CLIC5: variants seen among roughly 807,000 people sequenced by gnomAD.
The protein encoded by CLIC5 is chloride intracellular channel protein 5.
CLIC5 carries 20 observed loss-of-function variants against 24.7 expected under a neutral mutation model. The observed-to-expected ratio is 0.81, with a 90% CI of 0.57 to 1.18. The LOEUF (loss-of-function observed/expected upper bound fraction) is 1.18. Among genes scored for constraint, CLIC5 ranks in the 50% most tolerant of loss-of-function variants. The pLI, the probability that CLIC5 is intolerant of heterozygous loss-of-function variation, is 0.00. For missense variants in CLIC5, 341 were observed against 326.1 expected (o/e 1.05, Z -0.35); for synonymous variants, 159 against 135.6 (o/e 1.17, Z -1.20).
intron 4 of CLIC5, among the ~76,000 whole-genome samples, chr6:45,930,914 G>A (rs1174351421): frequency 6.6e-6 from 1 of 152,204 alleles, no homozygotes; most frequent in African/African-American, 2.4e-5. Context: ...TGCTATTGTA[G>A]CCACGGACTG....
chr6:45,910,710 C>T (rs1212155788), intron 5 of CLIC5, among the ~76,000 whole-genome samples: 1 of 152,156 alleles, frequency 6.6e-6, no homozygotes, highest in African/African-American at 2.4e-5. Context: ...TTGCTTGTCT[C>T]CAAACCTACT....
chr6:45,967,584 G>T (rs1765058217), intron 1 of CLIC5, among the ~76,000 whole-genome samples: 1 of 152,176 alleles, frequency 6.6e-6, no homozygotes, highest in Admixed American at 6.5e-5. Context: ...CAATGCAGGT[G>T]TATTAGGCTG....
At chr6:45,979,999 C>T (rs1765516884) in intron 1 of CLIC5, among the ~76,000 whole-genome samples, 1 of 80,136 alleles carries the variant, frequency 1.2e-5, no homozygotes, top group Non-Finnish European at 2.2e-5. Flanking sequence ...AATGGCATTT[C>T]CTAGGTTTTC....
At chr6:46,052,571 T>G (rs1768133922) in intron 1 of CLIC5, among the ~76,000 whole-genome samples, 1 of 152,190 alleles carries the variant, frequency 6.6e-6, no homozygotes, top group Non-Finnish European at 1.5e-5. Flanking sequence ...CCCTGTTCTT[T>G]TCCAGGACCC....
At chr6:46,084,348 T>C (rs868524243), upstream of CLIC5, among the ~76,000 whole-genome samples, 6 of 152,218 alleles carry the variant, frequency 3.9e-5, no homozygotes, top group Admixed American at 3.9e-4. Flanking sequence ...TGCTCGTTAG[T>C]TGATGCAGTT....
At chr6:45,921,226 C>T (rs1162426985) in intron 4 of CLIC5, among the ~76,000 whole-genome samples, 1 of 152,102 alleles carries the variant, frequency 6.6e-6, no homozygotes, top group Admixed American at 6.5e-5. Flanking sequence ...GATTCTTAGA[C>T]CACATGAAGT....
chr6:45,937,159 T>A (rs1298449587), intron 4 of CLIC5, among the ~76,000 whole-genome samples: 3 of 152,060 alleles, frequency 2.0e-5, no homozygotes, highest in African/African-American at 7.2e-5. Context: ...CCAACAAAGT[T>A]TAAAAAGTAG....
chr6:46,069,062 A>C (rs551936139), intron 1 of CLIC5, among the ~76,000 whole-genome samples: 1 of 152,264 alleles, frequency 6.6e-6, no homozygotes, highest in South Asian at 2.1e-4. Flanking sequence ...ATTTGAAAGG[A>C]CAGGAAGGAA....
intron 1 of CLIC5, among the ~76,000 whole-genome samples, chr6:46,056,287 A>G (rs1038727372): frequency 3.3e-5 from 5 of 151,958 alleles, no homozygotes; most frequent in African/African-American, 1.2e-4. Context: ...AGGGCTCCAT[A>G]CTTAGCCCTC....
At chr6:45,970,818 A>G (rs1361096043) in intron 1 of CLIC5, among the ~76,000 whole-genome samples, 1 of 152,206 alleles carries the variant, frequency 6.6e-6, no homozygotes, top group Non-Finnish European at 1.5e-5. Context: ...TCGATCTGGC[A>G]TTCTGCACCC....
chr6:46,017,100 T>C (rs1767038394), upstream of CLIC5, among the ~76,000 whole-genome samples: 1 of 152,212 alleles, frequency 6.6e-6, no homozygotes, highest in South Asian at 2.1e-4. Context: ...GCTCTCCTTG[T>C]GTAAACACTG....
At position 45,903,194 on chromosome 6, in the gene CLIC5, T is replaced by G; in HGVS notation, c.650A>C (p.Tyr217Ser). 1 of 1,613,578 alleles carries G rather than the reference T, an allele frequency of 6.2e-7. No homozygotes were observed. Among genetic ancestry groups the G allele is most frequent in the Non-Finnish European group, 8.5e-7 (1 of 1,179,804 alleles). The stretch of plus-strand genomic sequence containing the variant: ...ATCACGGGCATAGGCGTTCTTGAGG[T>G]ACCGCCACAGGCCTGTCATCTCAGC... ...IPAEMTGLWR[Y>S]LKNAYARDEF... The change falls in exon 6 of 6, where the codon TAC (tyrosine) becomes TCC (serine). Residue 217 changes from tyrosine (Y) to serine (S), a missense_variant. Coordinates refer to ENST00000339561, the MANE Select transcript of CLIC5 (RefSeq NM_016929.5).
intron 4 of CLIC5, among the ~76,000 whole-genome samples, chr6:45,915,945 A>G (rs1763015023): frequency 6.6e-6 from 1 of 152,156 alleles, no homozygotes; most frequent in Admixed American, 6.6e-5. Flanking sequence ...ACACTGAGAT[A>G]ATGGAAGTCG....
rs540960736 is a variant in CLIC5 at position 45,907,938 on chromosome 6, T to C, written c.589-4683A>G. Among the ~76,000 whole-genome samples, 5 of 152,252 alleles carry C rather than the reference T, an allele frequency of 3.3e-5. No homozygotes were observed. The East Asian group carries it at 5.8e-4, about 18-fold the overall frequency. On this transcript the variant is annotated intron_variant, in intron 5 of 5. Coordinates refer to ENST00000339561, the MANE Select transcript of CLIC5 (RefSeq NM_016929.5). ...GCCCAATTGCTCTGGACTTCCACTA[T>C]GATGTTGAATAGGAGCGGTGAGTGG...
chr6:46,000,982 C>G (rs1766334193), intron 1 of CLIC5, among the ~76,000 whole-genome samples: 1 of 152,164 alleles, frequency 6.6e-6, no homozygotes, highest in Non-Finnish European at 1.5e-5. Context: ...CTGGGTATTC[C>G]TTCACTCTAC....
At chr6:45,925,810 C>T (rs747456132) in intron 4 of CLIC5, among the ~76,000 whole-genome samples, 2 of 152,118 alleles carry the variant, frequency 1.3e-5, no homozygotes, top group Non-Finnish European at 2.9e-5. Context: ...ATAATAGTAG[C>T]CCTTGGTCTT....
At chr6:45,968,159 C>T (rs1765078418) in intron 1 of CLIC5, among the ~76,000 whole-genome samples, 1 of 152,210 alleles carries the variant, frequency 6.6e-6, no homozygotes, top group Admixed American at 6.5e-5. Flanking sequence ...CTGGGGGTCT[C>T]TGTGTCTTCC....
At chr6:45,985,382 C>A (rs1334037612) in intron 1 of CLIC5, among the ~76,000 whole-genome samples, 1 of 152,174 alleles carries the variant, frequency 6.6e-6, no homozygotes, top group Non-Finnish European at 1.5e-5. Flanking sequence ...TACAGCAGAG[C>A]AGGAAGTATG....
intron 1 of CLIC5, among the ~76,000 whole-genome samples, chr6:46,050,610 C>T (rs942305055): frequency 3.9e-5 from 6 of 152,158 alleles, no homozygotes; most frequent in Admixed American, 3.3e-4. Context: ...ACTGGCCTTC[C>T]AAACACAGGG....
Sources: gnomAD v4.1 joint callset for allele counts (sites outside exome capture counted in the v4.1 genomes callset) on GRCh38, gnomAD v4.1.1 for gene constraint, MANE v1.5 for transcripts, NCBI Gene and HGNC (gene_info 2026-07-23, HGNC 2026-07-21) for gene names.